Variants in GALK2 observed in about 807,000 individuals in gnomAD.
GALK2 encodes N-acetylgalactosamine kinase.
GALK2 carries 36 observed loss-of-function variants against 52.4 expected under a neutral mutation model. That is an observed-to-expected ratio of 0.69 (90% confidence interval 0.53 to 0.91). GALK2 has a LOEUF of 0.91. Ranked by LOEUF, GALK2 falls within the 40% of genes least tolerant of loss-of-function variation. The probability of loss-of-function intolerance (pLI) is 0.00; values close to 1 mark genes in which losing one functional copy is unlikely to be tolerated. For synonymous variants in GALK2, 176 were observed against 199.1 expected, an observed-to-expected ratio of 0.88 and a Z score of 0.98; for missense variants, 579 against 559.1, an observed-to-expected ratio of 1.04 and a Z score of -0.36.
At chr15:49,276,365 T>C (rs1460181650) in intron 5 of GALK2, among the ~76,000 whole-genome samples, 1 of 152,240 alleles carries the variant, frequency 6.6e-6, no homozygotes, top group African/African-American at 2.4e-5. Flanking sequence ...AGCCATCAGG[T>C]AGAAATATGC....
intron 2 of GALK2, among the ~76,000 whole-genome samples, chr15:49,212,557 G>A (rs1247849180): frequency 4.0e-5 from 6 of 151,404 alleles, no homozygotes; most frequent in Non-Finnish European, 8.8e-5. Flanking sequence ...CATTTCATTT[G>A]CTTTTGCCTT....
chr15:49,169,361 T>A (rs530763894), upstream of GALK2, among the ~76,000 whole-genome samples: 1 of 151,932 alleles, frequency 6.6e-6, no homozygotes, highest in South Asian at 2.1e-4. Context: ...AGATTGAGAG[T>A]TAATAGATCT....
intron 1 of GALK2, among the ~76,000 whole-genome samples, chr15:49,176,248 T>TC (rs2085449788): frequency 6.6e-6 from 1 of 152,274 alleles, no homozygotes; most frequent in South Asian, 2.1e-4. Context: ...ATCTTGATGT[T>TC]CCTGTAATCT....
intron 1 of GALK2, among the ~76,000 whole-genome samples, chr15:49,183,275 T>C (rs1453075951): frequency 6.6e-6 from 1 of 152,168 alleles, no homozygotes; most frequent in Non-Finnish European, 1.5e-5. Flanking sequence ...GGTGTTTTTC[T>C]ACTTTTTTGA....
downstream of GALK2, among the ~76,000 whole-genome samples, chr15:49,336,060 G>GGCC (rs2039660328): frequency 6.6e-6 from 1 of 152,006 alleles, no homozygotes; most frequent in African/African-American, 2.4e-5. Flanking sequence ...CTCCTGCCTT[G>GGCC]GCCTCCCAAA....
intron 8 of GALK2, among the ~76,000 whole-genome samples, chr15:49,297,495 C>T (rs144921907): frequency 6.6e-6 from 1 of 152,056 alleles, no homozygotes; most frequent in Non-Finnish European, 1.5e-5. Flanking sequence ...ATCATGAAAT[C>T]TTTGTCAAGT....
intron 5 of GALK2, among the ~76,000 whole-genome samples, chr15:49,275,205 T>C (rs1165438041): frequency 6.6e-6 from 1 of 152,214 alleles, no homozygotes; most frequent in Non-Finnish European, 1.5e-5. Flanking sequence ...GTGATAGGAA[T>C]TGTTCAGTTC....
At chr15:49,290,747 G>A (rs559456880) in intron 7 of GALK2, among the ~76,000 whole-genome samples, 90 of 152,234 alleles carry the variant, frequency 5.9e-4, no homozygotes, top group African/African-American at 2.0e-3. Flanking sequence ...TTAAATTACT[G>A]GAATGTTCAC....
At chr15:49,245,066 A>G (rs1028675916) in intron 5 of GALK2, among the ~76,000 whole-genome samples, 1 of 152,202 alleles carries the variant, frequency 6.6e-6, no homozygotes, top group Non-Finnish European at 1.5e-5. Context: ...ATAAGTGAAC[A>G]ATAATCTCAG....
intron 5 of GALK2, among the ~76,000 whole-genome samples, chr15:49,239,814 T>C (rs2091004998): frequency 6.6e-6 from 1 of 152,196 alleles, no homozygotes; most frequent in Non-Finnish European, 1.5e-5. Context: ...CTTTAAAATA[T>C]TGCATTACAA....
downstream of GALK2, among the ~76,000 whole-genome samples, chr15:49,334,863 T>A (rs2039431825): frequency 6.6e-6 from 1 of 152,140 alleles, no homozygotes; most frequent in African/African-American, 2.4e-5. Flanking sequence ...GCCCATTTGT[T>A]CTTGTAAAAA....
chr15:49,260,418 T>C (rs957909653), intron 5 of GALK2, among the ~76,000 whole-genome samples: 15 of 149,444 alleles, frequency 1.0e-4, no homozygotes, highest in African/African-American at 3.5e-4. Context: ...GGGTTGTTTG[T>C]TTTTTTCTTG....
At chr15:49,265,706 C>T (rs538471756) in intron 5 of GALK2, among the ~76,000 whole-genome samples, 24 of 152,334 alleles carry the variant, frequency 1.6e-4, no homozygotes, top group South Asian at 6.2e-4. Flanking sequence ...TCCTATTCGG[C>T]CATCTTTGCT....
chr15:49,299,762 T>TCTTTCTTTC (rs1567037545), intron 8 of GALK2, among the ~76,000 whole-genome samples: 2 of 142,186 alleles, frequency 1.4e-5, no homozygotes, highest in Admixed American at 7.0e-5. Context: ...TTTCTTTCTT[T>TCTTTCTTTC]CTTTCTTTCT....
intron 5 of GALK2, among the ~76,000 whole-genome samples, chr15:49,255,823 T>C (rs1325528773): frequency 1.3e-5 from 2 of 152,234 alleles, no homozygotes; most frequent in South Asian, 4.1e-4. Context: ...ATAATGCATG[T>C]TTGTCAAATG....
downstream of GALK2, among the ~76,000 whole-genome samples, chr15:49,334,560 C>T (rs928331362): frequency 8.5e-5 from 13 of 152,188 alleles, no homozygotes; most frequent in Middle Eastern, 3.4e-3. Context: ...GGTGTCCATC[C>T]GTTTTTCCCA....
chr15:49,293,846 T>C (rs2034180037), intron 8 of GALK2, among the ~76,000 whole-genome samples: 1 of 152,050 alleles, frequency 6.6e-6, no homozygotes, highest in Non-Finnish European at 1.5e-5. Flanking sequence ...ATGCCTGTAA[T>C]TCCAGCACTT....
chr15:49,350,281 A>G (rs562752515), intron 3 of GALK2, among the ~76,000 whole-genome samples: 1 of 152,320 alleles, frequency 6.6e-6, no homozygotes, highest in South Asian at 2.1e-4. Flanking sequence ...TTCTACTTAT[A>G]CTTAATTTCA....
At chr15:49,298,806 T>C (rs1160180659) in intron 8 of GALK2, among the ~76,000 whole-genome samples, 2 of 152,206 alleles carry the variant, frequency 1.3e-5, no homozygotes, top group Non-Finnish European at 2.9e-5. Context: ...TGGATTCAAT[T>C]TCCTAGTTTT....
Sources: allele counts gnomAD v4.1 joint callset (sites outside exome capture counted in the v4.1 genomes callset), GRCh38; gene constraint gnomAD v4.1.1; transcripts MANE v1.5; gene names NCBI Gene and HGNC (gene_info 2026-07-23, HGNC 2026-07-21).